SETD2: variants seen among roughly 807,000 people sequenced by gnomAD.
SETD2 encodes the protein SET domain containing 2, histone lysine methyltransferase, also known as histone-lysine N-methyltransferase SETD2.
SETD2 carries 31 observed loss-of-function variants against 242.1 expected under a neutral mutation model. The observed-to-expected ratio is 0.13, with a 90% confidence interval of 0.10 to 0.17. The LOEUF (loss-of-function observed/expected upper bound fraction) is 0.17. SETD2 is among the 10% of genes least tolerant of loss of function. SETD2 has a pLI of 1.00. For synonymous variants in SETD2, 1,006 were observed against 1,066.5 expected (o/e 0.94, Z 1.11); for missense variants, 2,481 against 3,046.3 (o/e 0.81, Z 4.37).
At chr3:47,074,513 G>C (rs1391857237) in intron 12 of SETD2, among the ~76,000 whole-genome samples, 1 of 152,212 alleles carries the variant, frequency 6.6e-6, no homozygotes, top group Non-Finnish European at 1.5e-5. Flanking sequence ...AAGGCAACTT[G>C]TAAATGTTGT....
At chr3:47,049,279 A>C (rs1196373174) in intron 15 of SETD2, among the ~76,000 whole-genome samples, 1 of 123,252 alleles carries the variant, frequency 8.1e-6, no homozygotes, top group Non-Finnish European at 1.7e-5. Flanking sequence ...TTATTCTATA[A>C]GTTTTTTATA....
chr3:47,119,862 G>T, intron 3 of SETD2: 1 of 472,404 alleles, frequency 2.1e-6, no homozygotes, highest in East Asian at 5.7e-5. Context: ...GTTTTATTCT[G>T]TTTTTTTGGT....
intron 12 of SETD2, among the ~76,000 whole-genome samples, chr3:47,077,192 C>T (rs1441836490): frequency 6.6e-6 from 1 of 152,148 alleles, no homozygotes; most frequent in African/African-American, 2.4e-5. Flanking sequence ...TCAAGCAATT[C>T]CCCCTCCTCA....
rs760392790 is a variant in SETD2, at chr3:47,084,280, C to G, written c.5500G>C (p.Val1834Leu). 1 of 1,614,036 alleles carries G rather than the reference C, an allele frequency of 6.2e-7. No homozygotes were observed. The highest frequency in any genetic ancestry group is 1.1e-5 in the South Asian group (1 of 91,082). ...CCATCTCCTTCACTCAACGGAGGGACAGCAGTCTTAGTCTGAGACCAGCGT... is the reference window on the plus strand; with the variant it reads ...CCATCTCCTTCACTCAACGGAGGGAGAGCAGTCTTAGTCTGAGACCAGCGT... ...IQRWSQTKTA[V>L]PPLSEGDGYS... The change falls in exon 12 of 21, where the codon GTC (valine) becomes CTC (leucine). Residue 1834 changes from valine to leucine, a missense_variant. By Grantham distance (32) the Val-to-Leu change is conservative. This residue lies in a region of SETD2 where 203 missense variants were observed against 222.4 expected (regional missense o/e 0.91). Coordinates refer to ENST00000409792, the MANE Select transcript of SETD2 (RefSeq NM_014159.7).
At chr3:47,029,622 G>A (rs1355339473) in intron 18 of SETD2, among the ~76,000 whole-genome samples, 1 of 152,034 alleles carries the variant, frequency 6.6e-6, no homozygotes, top group Non-Finnish European at 1.5e-5. Context: ...GACCTGACAG[G>A]AAGATATCAG....
At position 47,063,679 on chromosome 3, in the gene SETD2, T is replaced by C. The variant is rs181516587; in HGVS notation, c.6110-1333A>G. On this transcript the variant is annotated intron_variant, in intron 13 of 20. Coordinates refer to ENST00000409792, the MANE Select transcript of SETD2 (RefSeq NM_014159.7). ...TTCACTGATCACACCTCCTAGTTTCTCATCTCCTTAAGAAGTCAATCTCGG... is the reference window on the plus strand; with the variant it reads ...TTCACTGATCACACCTCCTAGTTTCCCATCTCCTTAAGAAGTCAATCTCGG... 3.2e-3 allele frequency among the ~76,000 whole-genome samples: 493 copies of C among 152,258 alleles called. 3 individuals are homozygous for C. The highest frequency in any genetic ancestry group is 0.011 in the African/African-American group (461 of 41,540).
chr3:47,108,280 C>A (rs1194134283), intron 5 of SETD2, among the ~76,000 whole-genome samples: 3 of 152,136 alleles, frequency 2.0e-5, no homozygotes, highest in African/African-American at 7.2e-5. Flanking sequence ...TATTTCCAAT[C>A]CCTCTTCTGC....
chr3:47,082,541 G>A (rs760296300), intron 12 of SETD2, among the ~76,000 whole-genome samples: 4 of 152,196 alleles, frequency 2.6e-5, no homozygotes, highest in Admixed American at 6.5e-5. Flanking sequence ...GATTCCTGCA[G>A]TTCACATACT....
chr3:47,106,091 T>C lies in SETD2; in HGVS notation c.4745A>G (p.Glu1582Gly). ...TTTAAACTCTTTATGATCGAGTACC[T>C]CTCCACAATATTCTAGGACAAAGGT... ...SNTFVLEYCG[E>G]VLDHKEFKAR... The change falls in exon 6 of 21, where the codon GAG (glutamate) becomes GGG (glycine). Residue 1582 changes from glutamate to glycine, a missense_variant. Physicochemically the swap from Glu to Gly is moderately conservative, Grantham distance 98. Transcript: ENST00000409792. 1 of 1,613,558 alleles carries C rather than the reference T, an allele frequency of 6.2e-7. No homozygotes were observed. The highest frequency in any genetic ancestry group is 8.5e-7 in the Non-Finnish European group (1 of 1,179,770).
At chr3:47,133,292 G>A (rs185192095) in intron 1 of SETD2, among the ~76,000 whole-genome samples, 5 of 152,108 alleles carry the variant, frequency 3.3e-5, no homozygotes, top group Non-Finnish European at 4.4e-5. Context: ...GAGCTCAAAC[G>A]ATCCTCCCGC....
rs2042866625 is a variant in SETD2 at position 47,116,728 on chromosome 3, A to G, written c.4481T>C (p.Ile1494Thr). Residue 1494 changes from isoleucine (I) to threonine (T), a missense_variant, in exon 4 of 21, where the codon ATT becomes ACT. Ile to Thr is a moderately conservative substitution (Grantham distance 89). Around this residue, in one of 17 missense-constraint regions of SETD2, gnomAD observed 48 missense variants for 76.6 expected, o/e 0.63. Coordinates refer to ENST00000409792, the MANE Select transcript of SETD2 (RefSeq NM_014159.7). ...ERKKNKSHRD[I>T]KRMQCECTPL... ...TGTACACTCACACTGCATTCGCTTAATATCTCGATGAGATTTATTCTTCTT... is the reference window on the plus strand; with the variant it reads ...TGTACACTCACACTGCATTCGCTTAGTATCTCGATGAGATTTATTCTTCTT... The G allele has an allele frequency of 2.5e-6, 4 of 1,603,996 alleles. No homozygotes were observed. The highest frequency in any genetic ancestry group is 1.3e-5 in the African/African-American group (1 of 74,714).
At position 47,073,527 on chromosome 3, in the gene SETD2, G is replaced by A. The variant is rs187258263; in HGVS notation, c.6061-6409C>T. Among the ~76,000 whole-genome samples, 7 of 152,244 alleles carry A rather than the reference G, an allele frequency of 4.6e-5. No homozygotes were observed. In the East Asian group the frequency reaches 1.3e-3, roughly 29 times the overall value. On this transcript the variant is annotated intron_variant, in intron 12 of 20. Coordinates refer to ENST00000409792, the MANE Select transcript of SETD2 (RefSeq NM_014159.7). ...TTCATAAAAATCACATACATGGGTG[G>A]GAAAGAGGAAGAAAAGAGTGAGAGG...
rs879616129 is a variant in SETD2 at position 47,127,997 on chromosome 3, A to T, written c.72-1334T>A. Reference sequence around the variant, plus strand: ...GTGAAAACCTGTCTCTCTCTCTCACACACACACACACACACACAAAATAAC... The same window carrying T: ...GTGAAAACCTGTCTCTCTCTCTCACTCACACACACACACACACAAAATAAC... On this transcript the variant is annotated intron_variant, in intron 1 of 20. Coordinates refer to ENST00000409792, the MANE Select transcript of SETD2 (RefSeq NM_014159.7). Among the ~76,000 whole-genome samples, 400 of 150,326 alleles carry T rather than the reference A, an allele frequency of 2.7e-3. 4 individuals are homozygous for T. Among genetic ancestry groups the T allele is most frequent in the African/African-American group, 6.6e-3 (272 of 41,064 alleles).
At chr3:47,066,959 T>C in intron 13 of SETD2, 111 bp downstream of exon 13, 1 of 716,568 alleles carries the variant, frequency 1.4e-6, no homozygotes, top group African/African-American at 1.8e-5. Flanking sequence ...TACCTAGTTA[T>C]ATATTCTCTA....
intron 10 of SETD2, among the ~76,000 whole-genome samples, chr3:47,086,736 T>C (rs1220072271): frequency 6.6e-6 from 1 of 152,012 alleles, no homozygotes; most frequent in Non-Finnish European, 1.5e-5. Context: ...GTTTTTTTTT[T>C]TTAATCATCA....
intron 1 of SETD2, among the ~76,000 whole-genome samples, chr3:47,131,179 C>T (rs749351855): frequency 2.0e-5 from 3 of 151,984 alleles, no homozygotes; most frequent in Admixed American, 6.6e-5. Flanking sequence ...TTTTTATCTA[C>T]CTTAGAAGAA....
intron 18 of SETD2, among the ~76,000 whole-genome samples, chr3:47,030,306 T>C (rs1208499043): frequency 6.6e-6 from 1 of 152,142 alleles, no homozygotes; most frequent in Non-Finnish European, 1.5e-5. Flanking sequence ...AATGAATCAA[T>C]GGATGAGCTT....
chr3:47,107,979 C>T (rs1279383273), intron 5 of SETD2, among the ~76,000 whole-genome samples: 1 of 151,574 alleles, frequency 6.6e-6, no homozygotes, highest in Non-Finnish European at 1.5e-5. Context: ...GACCCCATTG[C>T]ATTAAAAAAG....
intron 18 of SETD2, among the ~76,000 whole-genome samples, chr3:47,029,648 C>T (rs1575659035): frequency 6.6e-6 from 1 of 152,026 alleles, no homozygotes; most frequent in East Asian, 1.9e-4. Context: ...TCCTGGGGAA[C>T]ACATGGTATA....
Sources: allele counts gnomAD v4.1 joint callset (sites outside exome capture counted in the v4.1 genomes callset), GRCh38; gene constraint gnomAD v4.1.1; regional missense constraint gnomAD v4.1.1; transcripts MANE v1.5; gene names NCBI Gene and HGNC (gene_info 2026-07-23, HGNC 2026-07-21).